Variants in NFATC3 observed in about 807,000 individuals in gnomAD.
The protein encoded by NFATC3 is nuclear factor of activated T cells 3.
A neutral mutation model predicts 98.6 loss-of-function variants in NFATC3; 46 were observed. That is an observed-to-expected ratio of 0.47 (90% CI 0.37 to 0.60). NFATC3 has a LOEUF of 0.60. Among genes scored for constraint, NFATC3 ranks in the 20% least tolerant of loss-of-function variants. The pLI, the probability that NFATC3 is intolerant of heterozygous loss-of-function variation, is 0.00. For synonymous variants in NFATC3, 512 were observed against 472.2 expected (o/e 1.08, Z -1.09); for missense variants, 1,256 against 1,295.5 (o/e 0.97, Z 0.47).
chr16:68,153,815 G>C (rs111701446), intron 3 of NFATC3, among the ~76,000 whole-genome samples: 13 of 151,738 alleles, frequency 8.6e-5, no homozygotes, highest in Admixed American at 7.2e-4. Flanking sequence ...GAGTTTCACC[G>C]TGTTAGCCAG....
At chr16:68,152,800 A>G (rs1342531639) in intron 3 of NFATC3, among the ~76,000 whole-genome samples, 1 of 152,220 alleles carries the variant, frequency 6.6e-6, no homozygotes, top group Non-Finnish European at 1.5e-5. Context: ...TTCCAAAGTA[A>G]CCATCCATAA....
At chr16:68,212,325 TC>T in intron 9 of NFATC3, 1 of 152,352 alleles carries the variant, frequency 6.6e-6, no homozygotes, top group South Asian at 2.1e-4. Flanking sequence ...GATTGACTCT[TC>T]CTTTGTTTTT....
chr16:68,100,197 G>A (rs1331446125), intron 1 of NFATC3, among the ~76,000 whole-genome samples: 1 of 152,122 alleles, frequency 6.6e-6, no homozygotes, highest in Non-Finnish European at 1.5e-5. Flanking sequence ...TTTGTATGTG[G>A]ATATGTGTTG....
intron 9 of NFATC3, chr16:68,221,635 A>G: frequency 9.9e-7 from 1 of 1,014,302 alleles, no homozygotes; most frequent in Non-Finnish European, 1.2e-6. Flanking sequence ...TGGTGAATTC[A>G]TAAATAAGTG....
At chr16:68,197,061 A>AT (rs1015284275) in intron 9 of NFATC3, among the ~76,000 whole-genome samples, 13 of 151,894 alleles carry the variant, frequency 8.6e-5, no homozygotes, top group Non-Finnish European at 1.8e-4. Flanking sequence ...AAATAAATAA[A>AT]AACCCATAGA....
At chr16:68,177,961 T>C (rs943384957) in intron 6 of NFATC3, among the ~76,000 whole-genome samples, 2 of 152,300 alleles carry the variant, frequency 1.3e-5, no homozygotes, top group African/African-American at 4.8e-5. Flanking sequence ...CTTACTCTCC[T>C]TCTTAACACT....
intron 1 of NFATC3, among the ~76,000 whole-genome samples, chr16:68,112,999 A>T (rs2036065213): frequency 6.6e-6 from 1 of 152,030 alleles, no homozygotes; most frequent in Non-Finnish European, 1.5e-5. Flanking sequence ...ATGTTTTATC[A>T]TGGTTTTTCG....
intron 1 of NFATC3, among the ~76,000 whole-genome samples, chr16:68,121,228 ATTTCT>A (rs1214994466): frequency 2.5e-5 from 3 of 121,484 alleles, no homozygotes; most frequent in Admixed American, 8.4e-5. Flanking sequence ...GGAATATCTC[ATTTCT>A]TTTCTTTTCT....
chr16:68,191,978 GC>G, intron 9 of NFATC3: 1 of 554,264 alleles, frequency 1.8e-6, no homozygotes, highest in African/African-American at 1.9e-5. Flanking sequence ...GAAGGCTGAG[GC>G]GGGTGGATCA....
chr16:68,142,345 A>G (rs947649977), intron 3 of NFATC3, among the ~76,000 whole-genome samples: 3 of 152,166 alleles, frequency 2.0e-5, no homozygotes, highest in African/African-American at 7.2e-5. Flanking sequence ...TAGCTATTGT[A>G]AAAGGGATTG....
At chr16:68,168,247 A>C (rs1417880352) in intron 5 of NFATC3, among the ~76,000 whole-genome samples, 1 of 149,140 alleles carries the variant, frequency 6.7e-6, no homozygotes, top group East Asian at 2.0e-4. Flanking sequence ...TGCATCCTCC[A>C]CCTCCAGAGT....
chr16:68,139,184 G>A (rs907179525), intron 3 of NFATC3, among the ~76,000 whole-genome samples: 1 of 152,098 alleles, frequency 6.6e-6, no homozygotes, highest in African/African-American at 2.4e-5. Flanking sequence ...GTATTGATGC[G>A]ATAGAGGTTA....
intron 3 of NFATC3, among the ~76,000 whole-genome samples, chr16:68,139,678 A>G (rs1031993337): frequency 1.3e-5 from 2 of 152,218 alleles, no homozygotes; most frequent in Admixed American, 1.3e-4. Flanking sequence ...CTTGTAGCCA[A>G]CTGACAAATT....
intron 1 of NFATC3, 188 bp downstream of exon 1, chr16:68,085,972 G>T: frequency 2.1e-6 from 1 of 468,020 alleles, no homozygotes; most frequent in Non-Finnish European, 3.7e-6. Flanking sequence ...CTGCGACGTG[G>T]AAGTGGTGGC....
intron 9 of NFATC3, among the ~76,000 whole-genome samples, chr16:68,205,443 C>T (rs1302956101): frequency 6.6e-6 from 1 of 151,996 alleles, no homozygotes; most frequent in Non-Finnish European, 1.5e-5. Flanking sequence ...TAGAGGCAGG[C>T]TTTTACTACG....
Position 68,086,741 on chromosome 16 carries a change from C to G in NFATC3, c.103+957C>G, listed in dbSNP as rs1598329539. 4 of 985,242 alleles carry G rather than the reference C, an allele frequency of 4.1e-6. No homozygotes were observed. The South Asian group carries it at 1.4e-4, about 35-fold the overall frequency. 61.0% of individuals were successfully genotyped at this position (985,242 alleles called of 1,614,324 possible). On this transcript the variant is annotated intron_variant, in intron 1 of 9. Coordinates refer to ENST00000346183, the MANE Select transcript of NFATC3 (RefSeq NM_173165.3). ...CATGTTTGATGTTCAGTAGACTGTT[C>G]TGTAGAGTTGCATTGAAAAAACATA... is the stretch of plus-strand genomic sequence containing the variant.
rs534272641 is a variant in NFATC3 at position 68,173,748 on chromosome 16, A to G, written c.1775-626A>G. Among the ~76,000 whole-genome samples, 4 of 152,330 alleles carry G rather than the reference A, an allele frequency of 2.6e-5. No individual in the cohort carries two copies. The South Asian group carries it at 8.3e-4, about 32-fold the overall frequency. ...ACGGATAGTTGCATAGAAGAAACAT[A>G]TTAAACATTTAAGCAAAAAGAAAAG... On this transcript the variant is annotated intron_variant, in intron 5 of 9. Coordinates refer to ENST00000346183, the MANE Select transcript of NFATC3 (RefSeq NM_173165.3).
intron 5 of NFATC3, among the ~76,000 whole-genome samples, chr16:68,168,802 G>A (rs1291013793): frequency 6.6e-6 from 1 of 152,066 alleles, no homozygotes; most frequent in Non-Finnish European, 1.5e-5. Context: ...TTAATTTGGG[G>A]CCACATCTGC....
At chr16:68,198,849 C>A (rs905626180) in intron 9 of NFATC3, among the ~76,000 whole-genome samples, 1 of 152,160 alleles carries the variant, frequency 6.6e-6, no homozygotes, top group Non-Finnish European at 1.5e-5. Context: ...GAGGTCGAGA[C>A]CATCCTGGCC....
Sources: allele counts gnomAD v4.1 joint callset (sites outside exome capture counted in the v4.1 genomes callset), GRCh38; gene constraint gnomAD v4.1.1; transcripts MANE v1.5; gene names NCBI Gene and HGNC (gene_info 2026-07-23, HGNC 2026-07-21).